The following PTPRE variants were observed in gnomAD, a reference collection of about 807,000 sequenced individuals.
The protein encoded by PTPRE is receptor-type tyrosine-protein phosphatase epsilon.
PTPRE carries 51 observed loss-of-function variants against 102.0 expected under a neutral mutation model. The observed-to-expected ratio is 0.50, with a 90% confidence interval of 0.40 to 0.63. The LOEUF is 0.63. Ranked by LOEUF, PTPRE falls within the 30% of genes least tolerant of loss-of-function variation. The pLI, the probability that PTPRE is intolerant of heterozygous loss-of-function variation, is 0.00. For synonymous variants in PTPRE, 345 were observed against 348.2 expected, an observed-to-expected ratio of 0.99 and a Z score of 0.10; for missense variants, 752 against 915.1, an observed-to-expected ratio of 0.82 and a Z score of 2.30.
At position 128,033,044 on chromosome 10, in the gene PTPRE, C is replaced by T. The variant is rs560125000; in HGVS notation, c.-7-7831C>T. Among the ~76,000 whole-genome samples, 55 of 152,226 alleles carry T rather than the reference C, an allele frequency of 3.6e-4. No individual in the cohort carries two copies. In the South Asian group the frequency reaches 5.4e-3, roughly 15 times the overall value. On this transcript the variant is annotated intron_variant, in intron 2 of 20. Transcript: ENST00000254667. ...ACTTATAAACATTTACTAACTACCT[C>T]GGGGGCTGTAATGGTGTCGCTGACC...
At chr10:128,044,413 T>C (rs539182266) in intron 3 of PTPRE, among the ~76,000 whole-genome samples, 1 of 152,356 alleles carries the variant, frequency 6.6e-6, no homozygotes, top group South Asian at 2.1e-4. Context: ...AGACCCCGGC[T>C]CTTGGCCAGA....
chr10:128,002,638 A>ATGATGCAATG (rs1426472895), intron 2 of PTPRE, among the ~76,000 whole-genome samples: 1 of 144,838 alleles, frequency 6.9e-6, no homozygotes, highest in Non-Finnish European at 1.5e-5. Context: ...GATCTGATGA[A>ATGATGCAATG]TGATGCAATG....
intron 3 of PTPRE, among the ~76,000 whole-genome samples, chr10:128,043,666 G>A (rs960150298): frequency 2.6e-5 from 4 of 152,116 alleles, no homozygotes; most frequent in East Asian, 1.9e-4. Context: ...AAACACTTGC[G>A]AGACACAAAG....
At chr10:127,939,064 T>G (rs1848035392) in intron 1 of PTPRE, among the ~76,000 whole-genome samples, 1 of 152,220 alleles carries the variant, frequency 6.6e-6, no homozygotes, top group Admixed American at 6.5e-5. Context: ...TGAAAAAAAT[T>G]TTATGAATGC....
At chr10:128,033,676 GCT>G (rs1846959681) in intron 2 of PTPRE, among the ~76,000 whole-genome samples, 1 of 152,136 alleles carries the variant, frequency 6.6e-6, no homozygotes, top group Non-Finnish European at 1.5e-5. Context: ...ATGGAGTGTC[GCT>G]CTGTCACCCA....
intron 2 of PTPRE, chr10:127,999,689 T>A (rs1227205359): frequency 1.0e-6 from 1 of 984,146 alleles, no homozygotes; most frequent in Non-Finnish European, 1.2e-6. Flanking sequence ...CATTTATTTT[T>A]AAGCATTTAT....
chr10:128,080,471 C>G (rs1212435847), intron 20 of PTPRE, among the ~76,000 whole-genome samples: 1 of 152,248 alleles, frequency 6.6e-6, no homozygotes, highest in Non-Finnish European at 1.5e-5. Context: ...GCGAGGACAC[C>G]TGAGCTGAGG....
In PTPRE at chr10:128,030,072, T is replaced by C. The variant is rs908710156; in HGVS notation, c.-7-10803T>C. On this transcript the variant is annotated intron_variant, in intron 2 of 20. Coordinates refer to ENST00000254667, the MANE Select transcript of PTPRE (RefSeq NM_006504.6). The stretch of plus-strand genomic sequence containing the variant: ...TGCAGGCTCCGGAATTGCAGGCTCC[T>C]TTTTGGAAACGGCAGAGGCTCCCCA... Among the ~76,000 whole-genome samples the C allele has an allele frequency of 5.3e-5, 8 of 152,294 alleles. No individual in the cohort carries two copies. The South Asian group carries it at 1.5e-3, about 28-fold the overall frequency.
intron 7 of PTPRE, among the ~76,000 whole-genome samples, chr10:128,057,389 CCACAA>C (rs1489880525): frequency 7.9e-5 from 12 of 152,160 alleles, no homozygotes. Flanking sequence ...TCCGCCTGGT[CCACAA>C]AGGGAGTCCA....
chr10:127,983,998 G>T (rs1851860020), intron 2 of PTPRE, among the ~76,000 whole-genome samples: 2 of 152,002 alleles, frequency 1.3e-5, no homozygotes, highest in Non-Finnish European at 2.9e-5. Context: ...TCCACCACGG[G>T]TAGTTGGCGG....
Position 128,082,729 on chromosome 10 carries a change from GAATA to G in PTPRE, c.2029-102_2029-99del, listed in dbSNP as rs1302314825. ...GCATAAAGGTATATGGTATTTTAAT[GAATA>G]GTCACACTTATTTATGTCTTGTTTT... On this transcript the variant is annotated intron_variant, in intron 20 of 20. Transcript: ENST00000254667. The G allele has an allele frequency of 4.7e-5, 62 of 1,322,328 alleles. 1 individual carries two copies. In the African/African-American group the frequency reaches 6.9e-4, roughly 15 times the overall value. 81.9% of individuals were successfully genotyped at this position (1,322,328 alleles called of 1,614,324 possible). A position where few individuals can be genotyped will look rare whatever the true frequency, so the allele number is the denominator to read the frequency against.
intron 2 of PTPRE, among the ~76,000 whole-genome samples, chr10:128,004,452 GC>G (rs1490417643): frequency 2.6e-5 from 4 of 152,074 alleles, no homozygotes; most frequent in African/African-American, 9.7e-5. Flanking sequence ...CCGCCAATCA[GC>G]TGTCCATCTG....
At chr10:128,002,884 G>A (rs1432951074) in intron 2 of PTPRE, among the ~76,000 whole-genome samples, 1 of 151,648 alleles carries the variant, frequency 6.6e-6, no homozygotes, top group Non-Finnish European at 1.5e-5. Context: ...TTGTAAAGAT[G>A]GGGTCTCACT....
rs1848499598 is a variant in PTPRE at position 127,944,566 on chromosome 10, G to A, written c.-31+37257G>A. ...TGGATAAGTGGATGGATGGATGGGT[G>A]GATAGATGGATGGATAGGTTAGTGA... On this transcript the variant is annotated intron_variant, in intron 1 of 20. Coordinates refer to ENST00000254667, the MANE Select transcript of PTPRE (RefSeq NM_006504.6). The surrounding 1 kb of genome is among the most constrained non-coding windows in gnomAD (Gnocchi z 4.2). Among the ~76,000 whole-genome samples, 1 of 152,194 alleles carries A rather than the reference G, an allele frequency of 6.6e-6. No homozygotes were observed. Among genetic ancestry groups the A allele is most frequent in the South Asian group, 2.1e-4 (1 of 4,812 alleles).
At chr10:127,981,231 T>C (rs773146748) in intron 1 of PTPRE, among the ~76,000 whole-genome samples, 4 of 152,164 alleles carry the variant, frequency 2.6e-5, no homozygotes, top group Non-Finnish European at 4.4e-5. Flanking sequence ...ATAGTGTGAG[T>C]CCATTTATAT....
intron 2 of PTPRE, among the ~76,000 whole-genome samples, chr10:128,035,282 T>TACAC (rs78184561): frequency 3.4e-4 from 51 of 151,392 alleles, no homozygotes; most frequent in Middle Eastern, 3.4e-3. Flanking sequence ...TGTATATATA[T>TACAC]ACACACACAC....
chr10:128,053,200 G>A (rs1435899865), intron 6 of PTPRE, among the ~76,000 whole-genome samples: 3 of 152,148 alleles, frequency 2.0e-5, no homozygotes, highest in East Asian at 1.9e-4. Flanking sequence ...GCAGTGAGTC[G>A]AGATCGCGCC....
rs1851971882 is a variant in PTPRE, at chr10:128,084,647, G to A, written c.*1741G>A. ...AATGATTCAGCATCTCGGCGGAAGA[G>A]GAAAATGGAGCTTTTTGAGGCTCGC... On this transcript the variant is annotated 3_prime_UTR_variant, in exon 21 of 21. Transcript: ENST00000254667. The A allele has an allele frequency of 6.5e-6, 1 of 153,146 alleles. No homozygotes were observed. The highest frequency in any genetic ancestry group is 2.4e-5 in the African/African-American group (1 of 41,452). 9.5% of individuals were successfully genotyped at this position (153,146 alleles called of 1,614,324 possible). A position where few individuals can be genotyped will look rare whatever the true frequency, so the allele number is the denominator to read the frequency against.
At chr10:127,910,423 G>A (rs1237495468) in intron 1 of PTPRE, among the ~76,000 whole-genome samples, 3 of 152,162 alleles carry the variant, frequency 2.0e-5, no homozygotes, top group Admixed American at 2.0e-4. Context: ...TGGTTCCATA[G>A]AACGTTATTT....
Sources: gnomAD v4.1 joint callset for allele counts (sites outside exome capture counted in the v4.1 genomes callset) on GRCh38, gnomAD v4.1.1 for gene constraint, Gnocchi (gnomAD v3.1) non-coding constraint, MANE v1.5 for transcripts, NCBI Gene and HGNC (gene_info 2026-07-23, HGNC 2026-07-21) for gene names.